Variants in MGAT4C observed in about 807,000 individuals in gnomAD.
MGAT4C encodes the protein alpha-1,3-mannosyl-glycoprotein 4-beta-N-acetylglucosaminyltransferase C.
MGAT4C carries 19 observed loss-of-function variants against 40.1 expected under a neutral mutation model. The ratio of observed to expected loss-of-function variants is 0.47; its 90% CI spans 0.33 to 0.70. MGAT4C has a LOEUF of 0.70. Among genes scored for constraint, MGAT4C ranks in the 30% least tolerant of loss-of-function variants. The pLI, the probability that MGAT4C is intolerant of heterozygous loss-of-function variation, is 0.02. For missense variants in MGAT4C, 491 were observed against 563.2 expected (o/e 0.87, Z 1.30); for synonymous variants, 181 against 187.1 (o/e 0.97, Z 0.27).
intron 2 of MGAT4C, among the ~76,000 whole-genome samples, chr12:86,633,013 TAA>T (rs1295893660): frequency 6.6e-6 from 1 of 152,044 alleles, no homozygotes; most frequent in Non-Finnish European, 1.5e-5. Flanking sequence ...TTGCATAGCA[TAA>T]GTGTGTTTTC....
At chr12:86,650,795 G>C (rs1963674649) in intron 2 of MGAT4C, among the ~76,000 whole-genome samples, 1 of 151,878 alleles carries the variant, frequency 6.6e-6, no homozygotes, top group South Asian at 2.1e-4. Flanking sequence ...GTATCACAAA[G>C]GGATTTGCTA....
intron 2 of MGAT4C, among the ~76,000 whole-genome samples, chr12:86,569,406 C>T (rs1253301580): frequency 2.0e-5 from 3 of 151,984 alleles, no homozygotes; most frequent in Non-Finnish European, 4.4e-5. Flanking sequence ...TACAAATTGT[C>T]AATGGGTATA....
chr12:86,580,459 C>T (rs1480802850), intron 2 of MGAT4C, among the ~76,000 whole-genome samples: 1 of 151,294 alleles, frequency 6.6e-6, no homozygotes, highest in Non-Finnish European at 1.5e-5. Flanking sequence ...GTGGAATATA[C>T]CAATGAATGA....
At chr12:86,666,013 G>A (rs1964095997) in intron 2 of MGAT4C, among the ~76,000 whole-genome samples, 1 of 152,032 alleles carries the variant, frequency 6.6e-6, no homozygotes, top group Non-Finnish European at 1.5e-5. Context: ...ATTTTTTAAA[G>A]GCATATTGTT....
intron 2 of MGAT4C, among the ~76,000 whole-genome samples, chr12:86,684,289 T>C (rs895986185): frequency 6.6e-6 from 1 of 152,206 alleles, no homozygotes; most frequent in Non-Finnish European, 1.5e-5. Context: ...GTGTTTGGTT[T>C]TCTGTTCCTG....
chr12:86,548,909 G>A (rs1959226699), intron 2 of MGAT4C, among the ~76,000 whole-genome samples: 1 of 152,140 alleles, frequency 6.6e-6, no homozygotes, highest in Admixed American at 6.5e-5. Context: ...GAAAAGGATG[G>A]AAGAAGCTAA....
At chr12:86,035,715 A>G (rs990941411) in intron 2 of MGAT4C, among the ~76,000 whole-genome samples, 1 of 149,878 alleles carries the variant, frequency 6.7e-6, no homozygotes, top group Non-Finnish European at 1.5e-5. Context: ...TTTAAGTCTT[A>G]TATTTAAATC....
At chr12:86,586,199 T>G (rs1268058714) in intron 2 of MGAT4C, among the ~76,000 whole-genome samples, 1 of 140,570 alleles carries the variant, frequency 7.1e-6, no homozygotes, top group East Asian at 2.2e-4. Flanking sequence ...GAATATGTGG[T>G]GTTTGGTTTT....
intron 4 of MGAT4C, among the ~76,000 whole-genome samples, chr12:86,287,501 C>A (rs1472473896): frequency 6.6e-6 from 1 of 152,080 alleles, no homozygotes; most frequent in Non-Finnish European, 1.5e-5. Context: ...GCTATCCCTC[C>A]GTTAGCCCCT....
At chr12:86,523,899 G>T (rs1460765169) in intron 2 of MGAT4C, among the ~76,000 whole-genome samples, 1 of 151,906 alleles carries the variant, frequency 6.6e-6, no homozygotes, top group Non-Finnish European at 1.5e-5. Flanking sequence ...CTGAAACTAG[G>T]GTGGCAATCC....
At chr12:86,245,446 G>A (rs1542780) in intron 1 of MGAT4C, among the ~76,000 whole-genome samples, 1 of 152,026 alleles carries the variant, frequency 6.6e-6, no homozygotes, top group Non-Finnish European at 1.5e-5. Flanking sequence ...TTTGAACTTC[G>A]TTATATTTTG....
chr12:86,124,015 CAAAACCA>C (rs1224838674), intron 1 of MGAT4C, among the ~76,000 whole-genome samples: 1 of 151,986 alleles, frequency 6.6e-6, no homozygotes, highest in African/African-American at 2.4e-5. Context: ...ACCGATAGGA[CAAAACCA>C]AAGTAAAATA....
chr12:86,817,725 T>C (rs1171554834), intron 1 of MGAT4C, among the ~76,000 whole-genome samples: 1 of 151,542 alleles, frequency 6.6e-6, no homozygotes, highest in Non-Finnish European at 1.5e-5. Context: ...GCAAAGTTTG[T>C]CATCTCAGAA....
chr12:86,328,108 T>C (rs945589535), intron 4 of MGAT4C, among the ~76,000 whole-genome samples: 1 of 152,182 alleles, frequency 6.6e-6, no homozygotes, highest in African/African-American at 2.4e-5. Flanking sequence ...CACCTTTACA[T>C]TAAATTTAGC....
At chr12:86,600,368 T>C (rs1961721797) in intron 2 of MGAT4C, among the ~76,000 whole-genome samples, 1 of 152,186 alleles carries the variant, frequency 6.6e-6, no homozygotes. Flanking sequence ...TTACATTTTG[T>C]TTTATATTAG....
At chr12:86,380,974 A>C (rs992938606) in intron 3 of MGAT4C, among the ~76,000 whole-genome samples, 2 of 152,338 alleles carry the variant, frequency 1.3e-5, no homozygotes, top group Non-Finnish European at 2.9e-5. Context: ...TTCATAGGCC[A>C]ATTTATACAA....
At chr12:86,603,677 T>C (rs1350510489) in intron 2 of MGAT4C, among the ~76,000 whole-genome samples, 1 of 128,660 alleles carries the variant, frequency 7.8e-6, no homozygotes, top group Non-Finnish European at 1.6e-5. Context: ...ATATAGTATA[T>C]ATACTATATA....
intron 2 of MGAT4C, among the ~76,000 whole-genome samples, chr12:86,627,139 G>A (rs1043342777): frequency 1.4e-5 from 2 of 138,486 alleles, no homozygotes; most frequent in African/African-American, 5.5e-5. Context: ...GTCCAAGATC[G>A]AACTGCCAAG....
chr12:86,353,023 TAAAATAAA>T (rs1380681956), intron 3 of MGAT4C, among the ~76,000 whole-genome samples: 1 of 143,074 alleles, frequency 7.0e-6, no homozygotes, highest in African/African-American at 2.6e-5. Flanking sequence ...ATAATAATAA[TAAAATAAA>T]AAAATAAATA....
Sources: gnomAD v4.1 joint callset for allele counts (sites outside exome capture counted in the v4.1 genomes callset) on GRCh38, gnomAD v4.1.1 for gene constraint, MANE v1.5 for transcripts, NCBI Gene and HGNC (gene_info 2026-07-23, HGNC 2026-07-21) for gene names.